The following SOX5 variants were observed in gnomAD, a reference collection of about 807,000 sequenced individuals.
SOX5 encodes the protein SRY-box transcription factor 5.
Under a neutral mutation model 92.0 loss-of-function variants are expected in SOX5, and 9 were observed. That is an observed-to-expected ratio of 0.10 (90% CI 0.06 to 0.17). SOX5 has a LOEUF of 0.17. Ranked by LOEUF, SOX5 falls within the 10% of genes least tolerant of loss-of-function variation. The pLI, the probability that SOX5 is intolerant of heterozygous loss-of-function variation, is 1.00. For missense variants in SOX5, 642 were observed against 944.5 expected (o/e 0.68, Z 4.20); for synonymous variants, 344 against 336.3 (o/e 1.02, Z -0.25).
intron 3 of SOX5, among the ~76,000 whole-genome samples, chr12:23,767,191 T>C (rs1215584381): frequency 6.7e-6 from 1 of 149,176 alleles, no homozygotes; most frequent in African/African-American, 2.5e-5. Context: ...TGGGCAAGAA[T>C]GGACCTTGTC....
intron 4 of SOX5, among the ~76,000 whole-genome samples, chr12:24,071,728 G>C (rs979170697): frequency 1.3e-5 from 2 of 152,100 alleles, no homozygotes; most frequent in Non-Finnish European, 2.9e-5. Flanking sequence ...GCCACTGCCC[G>C]GCTCAAGCCT....
rs543080262 is a variant in SOX5, at chr12:24,444,654, T to A, written c.-250-76015A>T. ...GCTTGGCCCCTCTCTGGGAACTGCC[T>A]TTGGTGAAAGGAAGCCGCCTCATCC... is the stretch of plus-strand genomic sequence containing the variant. On this transcript the variant is annotated intron_variant, in intron 1 of 4. Transcript: ENST00000446891. Among the ~76,000 whole-genome samples, 433 of 152,212 alleles carry A rather than the reference T, an allele frequency of 2.8e-3. 2 individuals are homozygous for A. The highest frequency in any genetic ancestry group is 1.0e-2 in the African/African-American group (414 of 41,520).
At chr12:23,591,471 A>T (rs537192259) in intron 9 of SOX5, among the ~76,000 whole-genome samples, 2 of 152,244 alleles carry the variant, frequency 1.3e-5, no homozygotes, top group African/African-American at 4.8e-5. Flanking sequence ...ATAGTCCTGG[A>T]TAGAACAGAT....
At chr12:23,566,231 T>C (rs1308762929) in intron 10 of SOX5, among the ~76,000 whole-genome samples, 1 of 152,226 alleles carries the variant, frequency 6.6e-6, no homozygotes, top group Non-Finnish European at 1.5e-5. Context: ...ATAAAGTGTC[T>C]TCTTTAACCT....
intron 11 of SOX5, among the ~76,000 whole-genome samples, chr12:23,551,048 T>C (rs891322711): frequency 6.6e-6 from 1 of 152,076 alleles, no homozygotes; most frequent in South Asian, 2.1e-4. Flanking sequence ...GGATCAGCTA[T>C]CATAATGGAC....
At chr12:23,605,496 C>A in intron 8 of SOX5, among the ~76,000 whole-genome samples, 1 of 150,270 alleles carries the variant, frequency 6.7e-6, no homozygotes. Context: ...AAATTTTACA[C>A]ACACACACAC....
At chr12:24,319,582 T>C (rs1477212455) in intron 2 of SOX5, among the ~76,000 whole-genome samples, 2 of 152,234 alleles carry the variant, frequency 1.3e-5, no homozygotes, top group African/African-American at 4.8e-5. Flanking sequence ...ATATGCTATC[T>C]GAATTTGTGA....
chr12:23,628,394 T>C (rs1469700644), intron 8 of SOX5, among the ~76,000 whole-genome samples: 1 of 152,094 alleles, frequency 6.6e-6, no homozygotes, highest in African/African-American at 2.4e-5. Flanking sequence ...TTTTCTATAG[T>C]TCTGCTTCAC....
At chr12:23,573,222 C>T (rs1471370562) in intron 10 of SOX5, among the ~76,000 whole-genome samples, 1 of 152,138 alleles carries the variant, frequency 6.6e-6, no homozygotes, top group East Asian at 1.9e-4. Flanking sequence ...CCTGTCTCTA[C>T]TTAGCCTTCT....
At chr12:23,660,858 T>C (rs1420067393) in intron 7 of SOX5, among the ~76,000 whole-genome samples, 1 of 152,188 alleles carries the variant, frequency 6.6e-6, no homozygotes, top group Non-Finnish European at 1.5e-5. Context: ...TTTAGTAAAG[T>C]CCAAAGAACT....
chr12:24,322,814 C>A (rs568846479), intron 2 of SOX5, among the ~76,000 whole-genome samples: 41 of 151,982 alleles, frequency 2.7e-4, no homozygotes, highest in African/African-American at 8.9e-4. Context: ...AGAGTGTGGA[C>A]CAGACAAAGT....
intron 7 of SOX5, among the ~76,000 whole-genome samples, chr12:23,664,710 T>A (rs2083537581): frequency 6.6e-6 from 1 of 152,158 alleles, no homozygotes; most frequent in Non-Finnish European, 1.5e-5. Flanking sequence ...TCCTAGTATA[T>A]CACGTAGCTC....
chr12:24,250,601 C>T (rs953052209), intron 3 of SOX5, among the ~76,000 whole-genome samples: 23 of 152,164 alleles, frequency 1.5e-4, no homozygotes, highest in Admixed American at 5.9e-4. Flanking sequence ...GAAACATCTT[C>T]GAAATCAAAA....
At chr12:24,337,895 G>C (rs1952085835) in intron 2 of SOX5, among the ~76,000 whole-genome samples, 1 of 152,098 alleles carries the variant, frequency 6.6e-6, no homozygotes, top group South Asian at 2.1e-4. Context: ...AATGACACAA[G>C]AACTTTCTAG....
intron 10 of SOX5, among the ~76,000 whole-genome samples, chr12:23,570,793 C>T (rs975919794): frequency 1.9e-4 from 28 of 149,904 alleles, no homozygotes; most frequent in Admixed American, 2.7e-4. Context: ...TGCCTATAGT[C>T]CCAGCTACTC....
chr12:23,958,985 T>C (rs1004442450), intron 4 of SOX5, among the ~76,000 whole-genome samples: 4 of 151,860 alleles, frequency 2.6e-5, no homozygotes, highest in Non-Finnish European at 4.4e-5. Context: ...AAAATATCTA[T>C]GATGAACTCA....
At chr12:24,391,876 A>T (rs7139064) in intron 1 of SOX5, among the ~76,000 whole-genome samples, 81,909 of 152,018 alleles carry the variant, frequency 0.54, 22,578 homozygotes, top group African/African-American at 0.66. Context: ...CATTTACTCA[A>T]CTTGAGTCTC....
At chr12:23,869,481 A>G (rs1158060098) in intron 2 of SOX5, among the ~76,000 whole-genome samples, 2 of 151,966 alleles carry the variant, frequency 1.3e-5, no homozygotes, top group East Asian at 3.9e-4. Flanking sequence ...CTTCATTTCT[A>G]CCCTTTCACT....
upstream of SOX5, chr12:23,949,727 CCTCCCTCT>C: frequency 5.9e-6 from 7 of 1,195,344 alleles, no homozygotes; most frequent in Non-Finnish European, 7.9e-6. Context: ...CCCCTCCCTC[CCTCCCTCT>C]CTCTCTCTCT....
Sources: allele counts gnomAD v4.1 joint callset (sites outside exome capture counted in the v4.1 genomes callset), GRCh38; gene constraint gnomAD v4.1.1; transcripts MANE v1.5; gene names NCBI Gene and HGNC (gene_info 2026-07-23, HGNC 2026-07-21).